YY1: variants seen among roughly 807,000 people sequenced by gnomAD.
The protein encoded by YY1 is transcriptional repressor protein YY1.
In YY1, 2 loss-of-function variants were observed where a neutral mutation model predicts 35.6. That is an observed-to-expected ratio of 0.06 (90% CI 0.02 to 0.18). The LOEUF (loss-of-function observed/expected upper bound fraction) is 0.18. Ranked by LOEUF, YY1 falls within the 10% of genes least tolerant of loss-of-function variation. The pLI is 1.00. For synonymous variants in YY1, 268 were observed against 238.9 expected (o/e 1.12, Z -1.12); for missense variants, 322 against 573.4 (o/e 0.56, Z 4.48).
At position 100,277,833 on chromosome 14, in the gene YY1, TG is replaced by T. The variant is rs1891346025; in HGVS notation, c.*234del. 3.8e-6 allele frequency: 2 copies of T among 531,754 alleles called. No homozygotes were observed. Among genetic ancestry groups the T allele is most frequent in the African/African-American group, 1.9e-5 (1 of 52,518 alleles). The allele number at this position is 531,754 out of a possible 1,614,324, so 32.9% of individuals were successfully genotyped here. On this transcript the variant is annotated 3_prime_UTR_variant, in exon 5 of 5. Transcript: ENST00000262238. This position sits in a 1 kb window ranked among gnomAD's most constrained non-coding sequence, Gnocchi z 5.6. ...CTGTAATCTCGTTTCAAAAACACAG[TG>T]TTTTTGTAAAGTGTGGTCCCAACAG...
intron 2 of YY1, among the ~76,000 whole-genome samples, chr14:100,269,877 A>G (rs1891208470): frequency 6.6e-6 from 1 of 152,200 alleles, no homozygotes; most frequent in South Asian, 2.1e-4. Context: ...TACCACTTAT[A>G]ATAACAAACC....
At chr14:100,240,534 C>A (rs1595310407) in intron 1 of YY1, among the ~76,000 whole-genome samples, 1 of 12 alleles carries the variant, frequency 0.083, no homozygotes. Flanking sequence ...CTCGTGGGCG[C>A]CCTCCGGCCT....
intron 3 of YY1, 27 bp downstream of exon 3, chr14:100,274,785 C>T (rs1332042715): frequency 6.2e-7 from 1 of 1,601,000 alleles, no homozygotes; most frequent in East Asian, 2.2e-5. Context: ...GGAGAGTGTT[C>T]ATTAAACTGT....
At chr14:100,250,369 C>CT (rs1595316788) in intron 1 of YY1, among the ~76,000 whole-genome samples, 1 of 152,062 alleles carries the variant, frequency 6.6e-6, no homozygotes, top group East Asian at 1.9e-4. Flanking sequence ...TCTTTTTTGT[C>CT]TTTTTTTGCC....
intron 1 of YY1, among the ~76,000 whole-genome samples, chr14:100,261,447 C>A (rs1891085473): frequency 6.6e-6 from 1 of 152,156 alleles, no homozygotes; most frequent in Non-Finnish European, 1.5e-5. Context: ...CCTCGGCCTT[C>A]CAAAGTGCTG....
intron 3 of YY1, among the ~76,000 whole-genome samples, chr14:100,275,035 C>T (rs1038614102): frequency 1.3e-5 from 2 of 152,076 alleles, no homozygotes; most frequent in African/African-American, 2.4e-5. Context: ...TTAACAAGTC[C>T]GTCTTAAGAT....
In YY1 at chr14:100,276,296, T is replaced by C; in HGVS notation, c.904-194T>C. ...CTCATCTGTAAAACTAGGGTTTGCA[T>C]TGAATGATGACTTTTTCAGCTGTCT... On this transcript the variant is annotated intron_variant, in intron 3 of 4. Coordinates refer to ENST00000262238, the MANE Select transcript of YY1 (RefSeq NM_003403.5). The surrounding 1 kb of genome is among the most constrained non-coding windows in gnomAD (Gnocchi z 4.1). The C allele has an allele frequency of 1.4e-6, 1 of 717,002 alleles. No homozygotes were observed. The highest frequency in any genetic ancestry group is 2.2e-6 in the Non-Finnish European group (1 of 445,100). The allele number at this position is 717,002 out of a possible 1,614,324, so 44.4% of individuals were successfully genotyped here.
At chr14:100,269,081 C>T (rs1891196175) in intron 2 of YY1, among the ~76,000 whole-genome samples, 1 of 152,166 alleles carries the variant, frequency 6.6e-6, no homozygotes, top group African/African-American at 2.4e-5. Context: ...CTCTATTTGA[C>T]AGGAAACTTG....
intron 1 of YY1, among the ~76,000 whole-genome samples, chr14:100,256,863 AT>A (rs34518022): frequency 1.0e-3 from 147 of 147,370 alleles, no homozygotes; most frequent in East Asian, 6.9e-3. Context: ...TTTTACCACA[AT>A]TTTTTTTTTT....
At chr14:100,260,469 ATTT>A (rs34225673) in intron 1 of YY1, among the ~76,000 whole-genome samples, 44,919 of 139,012 alleles carry the variant, frequency 0.32, 6,710 homozygotes, top group Middle Eastern at 0.38. Context: ...ACATATATGT[ATTT>A]TTTTTTTTTT....
At chr14:100,249,971 G>C (rs1277514446) in intron 1 of YY1, among the ~76,000 whole-genome samples, 5 of 151,786 alleles carry the variant, frequency 3.3e-5, no homozygotes, top group African/African-American at 7.3e-5. Context: ...TGGGGTTTCT[G>C]CATGTTGGTC....
At chr14:100,240,087 C>T (rs867783561) in intron 1 of YY1, among the ~76,000 whole-genome samples, 164 bp downstream of exon 1, 11 of 145,978 alleles carry the variant, frequency 7.5e-5, no homozygotes, top group African/African-American at 2.2e-4. Flanking sequence ...CGGCGGCGGG[C>T]GGCGGGCCGC....
intron 1 of YY1, among the ~76,000 whole-genome samples, chr14:100,242,164 A>G (rs1248311191): frequency 6.6e-6 from 1 of 152,152 alleles, no homozygotes; most frequent in East Asian, 1.9e-4. Context: ...GAAAACCGAC[A>G]TATTTTTACA....
intron 1 of YY1, among the ~76,000 whole-genome samples, chr14:100,243,638 A>C (rs1169156141): frequency 2.0e-5 from 3 of 151,870 alleles, no homozygotes; most frequent in Non-Finnish European, 4.4e-5. Flanking sequence ...GCAAAAAAAC[A>C]AAAAACCCCA....
intron 2 of YY1, among the ~76,000 whole-genome samples, chr14:100,268,235 A>G (rs1333666495): frequency 6.6e-6 from 1 of 152,190 alleles, no homozygotes; most frequent in Non-Finnish European, 1.5e-5. Flanking sequence ...CTGTCCAAAG[A>G]GTATTTCAGG....
At chr14:100,248,216 T>C (rs1433687349) in intron 1 of YY1, among the ~76,000 whole-genome samples, 1 of 147,064 alleles carries the variant, frequency 6.8e-6, no homozygotes, top group Non-Finnish European at 1.5e-5. Context: ...CCCGGGTTCA[T>C]ACCATTCTCC....
At chr14:100,241,165 A>G (rs113690938) in intron 1 of YY1, among the ~76,000 whole-genome samples, 2 of 152,344 alleles carry the variant, frequency 1.3e-5, no homozygotes, top group African/African-American at 2.4e-5. Flanking sequence ...CTGAGATACT[A>G]AATAGACTGA....
intron 2 of YY1, among the ~76,000 whole-genome samples, chr14:100,272,029 G>A (rs1595332498): frequency 6.6e-6 from 1 of 152,074 alleles, no homozygotes. Flanking sequence ...ACAGGGTTGG[G>A]AAGGGGGAGG....
At chr14:100,246,938 C>CT (rs1890842045) in intron 1 of YY1, among the ~76,000 whole-genome samples, 2 of 152,236 alleles carry the variant, frequency 1.3e-5, no homozygotes, top group African/African-American at 4.8e-5. Flanking sequence ...GTTTAGCTTC[C>CT]TAATAAAGCC....
Sources: gnomAD v4.1 joint callset for allele counts (sites outside exome capture counted in the v4.1 genomes callset) on GRCh38, gnomAD v4.1.1 for gene constraint, Gnocchi (gnomAD v3.1) non-coding constraint, MANE v1.5 for transcripts, NCBI Gene and HGNC (gene_info 2026-07-23, HGNC 2026-07-21) for gene names.